The following UHRF1 variants were observed in gnomAD, a reference collection of about 807,000 sequenced individuals.
The protein encoded by UHRF1 is ubiquitin like with PHD and ring finger domains 1, also known as E3 ubiquitin-protein ligase UHRF1.
Under a neutral mutation model 96.5 loss-of-function variants are expected in UHRF1, and 9 were observed. That is an observed-to-expected ratio of 0.09 (90% CI 0.06 to 0.16). The LOEUF (loss-of-function observed/expected upper bound fraction) is 0.16. Among genes scored for constraint, UHRF1 ranks in the 10% least tolerant of loss-of-function variants. UHRF1 has a pLI of 1.00. For missense variants in UHRF1, 626 were observed against 1,131.1 expected, an observed-to-expected ratio of 0.55 and a Z score of 6.40; for synonymous variants, 455 against 469.9, an observed-to-expected ratio of 0.97 and a Z score of 0.41.
At chr19:4,905,001 G>C (rs188831683), upstream of UHRF1, among the ~76,000 whole-genome samples, 3 of 151,462 alleles carry the variant, frequency 2.0e-5, no homozygotes, top group African/African-American at 7.3e-5. Context: ...GATAGCTTTT[G>C]TGGGCATTGG....
At chr19:4,933,944 C>T (rs1471083051) in intron 5 of UHRF1, among the ~76,000 whole-genome samples, 1 of 136,718 alleles carries the variant, frequency 7.3e-6, no homozygotes, top group African/African-American at 2.9e-5. Flanking sequence ...CCTGTTCTTT[C>T]TCCCTTGCCT....
At chr19:4,942,006 C>G in intron 7 of UHRF1, 75 bp downstream of exon 7, 1 of 1,394,872 alleles carries the variant, frequency 7.2e-7, no homozygotes, top group Non-Finnish European at 9.4e-7. Flanking sequence ...TGAGGAGATA[C>G]AGGAGAGGGG....
At chr19:4,904,138 C>A (rs1358876386) in intron 1 of UHRF1, among the ~76,000 whole-genome samples, 1 of 151,522 alleles carries the variant, frequency 6.6e-6, no homozygotes, top group African/African-American at 2.4e-5. Flanking sequence ...GTTACAGGCA[C>A]CTGCCCCCGT....
chr19:4,904,544 A>C (rs964583139), upstream of UHRF1, among the ~76,000 whole-genome samples: 1 of 151,374 alleles, frequency 6.6e-6, no homozygotes, highest in Non-Finnish European at 1.5e-5. Context: ...TGAACTCCTG[A>C]CCTCATGATC....
At chr19:4,935,716 C>T (rs2033196718) in intron 5 of UHRF1, among the ~76,000 whole-genome samples, 1 of 151,960 alleles carries the variant, frequency 6.6e-6, no homozygotes, top group African/African-American at 2.4e-5. Context: ...TGTCATCGTC[C>T]CAGGAGTGAC....
chr19:4,923,026 G>T (rs982093805), intron 2 of UHRF1, among the ~76,000 whole-genome samples: 5 of 151,602 alleles, frequency 3.3e-5, no homozygotes, highest in Admixed American at 6.6e-5. Flanking sequence ...TGCAGGCCTG[G>T]CTCCCCAAGC....
At chr19:4,911,418 G>T (rs2032270983) in intron 2 of UHRF1, among the ~76,000 whole-genome samples, 1 of 152,146 alleles carries the variant, frequency 6.6e-6, no homozygotes, top group African/African-American at 2.4e-5. Flanking sequence ...AGGGGACCAG[G>T]TTTTCTTTTT....
chr19:4,958,414 G>A (rs1345364015), intron 16 of UHRF1, among the ~76,000 whole-genome samples: 1 of 152,266 alleles, frequency 6.6e-6, no homozygotes, highest in African/African-American at 2.4e-5. Flanking sequence ...GGTGGGCACA[G>A]GCAGAGGGCT....
chr19:4,930,662 C>T lies in UHRF1; in HGVS notation c.409-54C>T. The T allele has an allele frequency of 6.3e-7, 1 of 1,582,096 alleles. No individual in the cohort carries two copies. The highest frequency in any genetic ancestry group is 8.6e-7 in the Non-Finnish European group (1 of 1,161,154). On this transcript the variant is annotated intron_variant, in intron 3 of 16. Transcript: ENST00000650932. The surrounding 1 kb of genome is among the most constrained non-coding windows in gnomAD (Gnocchi z 4.4). Reference sequence around the variant, plus strand: ...CAGTGTCCGAGAACCAAGGTGGTCTCCCGTCAGTTTTCCTCACCCCGTTGG... The same window carrying T: ...CAGTGTCCGAGAACCAAGGTGGTCTTCCGTCAGTTTTCCTCACCCCGTTGG...
rs972918303 is a variant in UHRF1, at chr19:4,956,730, G to A, written c.2152G>A (p.Val718Met). 1 of 1,612,082 alleles carries A rather than the reference G, an allele frequency of 6.2e-7. No individual in the cohort carries two copies. Among genetic ancestry groups the A allele is most frequent in the Non-Finnish European group, 8.5e-7 (1 of 1,179,060 alleles). ...GSPFQLFLSK[V>M]EETFQCICCQ... ...CTAGTTCCAGTTGTTCCTGAGTAAA[G>A]TGGAGGAGACGTTCCAGTGTATCTG... The change falls in exon 16 of 17, where the codon GTG (valine) becomes ATG (methionine). Residue 718 changes from valine to methionine, a missense_variant. Around this residue, in one of 11 missense-constraint regions of UHRF1, gnomAD observed 84 missense variants for 150.3 expected, o/e 0.56. Transcript: ENST00000650932.
chr19:4,931,939 G>A (rs1215676433), intron 4 of UHRF1, among the ~76,000 whole-genome samples: 1 of 151,742 alleles, frequency 6.6e-6, no homozygotes, highest in East Asian at 1.9e-4. Flanking sequence ...TTTTGTTTTT[G>A]TTTTGTTTTT....
rs1242868337 is a variant in UHRF1, at chr19:4,909,585, A to C, written c.-81A>C. On this transcript the variant is annotated 5_prime_UTR_variant, in exon 1 of 17. Coordinates refer to ENST00000650932, the MANE Select transcript of UHRF1 (RefSeq NM_001048201.3). The stretch of plus-strand genomic sequence containing the variant: ...AGTCCGCGCGGGGTCCGGGCCACGC[A>C]CGCGGTTTCATCGCCATCCCCAGCC... 2 of 652,614 alleles carry C rather than the reference A, an allele frequency of 3.1e-6. No individual in the cohort carries two copies. The highest frequency in any genetic ancestry group is 5.5e-6 in the Non-Finnish European group (2 of 363,686). 40.4% of individuals were successfully genotyped at this position (652,614 alleles called of 1,614,324 possible).
chr19:4,951,135 G>A (rs946813506), intron 13 of UHRF1, 139 bp downstream of exon 13: 20 of 1,211,980 alleles, frequency 1.7e-5, no homozygotes, highest in South Asian at 6.4e-5. Context: ...GTATGGTGGC[G>A]GGTGCCTGTA....
intron 2 of UHRF1, among the ~76,000 whole-genome samples, chr19:4,925,976 C>T (rs2032857122): frequency 6.6e-6 from 1 of 152,096 alleles, no homozygotes. Context: ...CGGCTCACTG[C>T]AACTTCTACC....
intron 5 of UHRF1, among the ~76,000 whole-genome samples, 185 bp from the exon 6 acceptor site, chr19:4,941,343 T>G (rs1312331310): frequency 2.0e-5 from 3 of 152,060 alleles, no homozygotes. Flanking sequence ...AGTGTTGGTA[T>G]TACAGGCGTG....
intron 1 of UHRF1, 145 bp downstream of exon 1, chr19:4,909,800 A>C: frequency 2.3e-6 from 1 of 435,686 alleles, no homozygotes; most frequent in Non-Finnish European, 4.0e-6. Context: ...CTTCCACCTA[A>C]CCCTCGGGAA....
intron 4 of UHRF1, among the ~76,000 whole-genome samples, chr19:4,931,728 G>A (rs1170735118): frequency 6.6e-6 from 1 of 151,698 alleles, no homozygotes; most frequent in East Asian, 1.9e-4. Context: ...CAGCCTCCCA[G>A]AGTGTTGGGA....
intron 1 of UHRF1, 109 bp downstream of exon 1, chr19:4,909,764 C>T (rs1055244344): frequency 8.4e-6 from 4 of 478,184 alleles, no homozygotes; most frequent in African/African-American, 8.3e-5. Flanking sequence ...ATGTCCCGCA[C>T]TCTGTCCCGG....
At chr19:4,906,938 T>C (rs2032075819), upstream of UHRF1, among the ~76,000 whole-genome samples, 1 of 152,166 alleles carries the variant, frequency 6.6e-6, no homozygotes, top group South Asian at 2.1e-4. Flanking sequence ...CTCATACCTG[T>C]GGTGTGGGTT....
Sources: gnomAD v4.1 joint callset for allele counts (sites outside exome capture counted in the v4.1 genomes callset) on GRCh38, gnomAD v4.1.1 for gene constraint, gnomAD v4.1.1 regional missense constraint, Gnocchi (gnomAD v3.1) non-coding constraint, MANE v1.5 for transcripts, NCBI Gene and HGNC (gene_info 2026-07-23, HGNC 2026-07-21) for gene names.